Variants in PRKN observed in about 807,000 individuals in gnomAD.
The protein encoded by PRKN is E3 ubiquitin-protein ligase parkin.
A neutral mutation model predicts 59.5 loss-of-function variants in PRKN; 56 were observed. The observed-to-expected ratio is 0.94, with a 90% CI of 0.76 to 1.18. The LOEUF is 1.18. Among genes scored for constraint, PRKN ranks in the 50% most tolerant of loss-of-function variants. The probability of loss-of-function intolerance (pLI) is 0.00; values close to 1 mark genes in which losing one functional copy is unlikely to be tolerated. For synonymous variants in PRKN, 250 were observed against 222.1 expected, an observed-to-expected ratio of 1.13 and a Z score of -1.12; for missense variants, 657 against 596.4, an observed-to-expected ratio of 1.10 and a Z score of -1.06.
At chr6:161,890,567 A>C (rs550946788) in intron 6 of PRKN, among the ~76,000 whole-genome samples, 35 of 152,258 alleles carry the variant, frequency 2.3e-4, no homozygotes, top group Admixed American at 1.4e-3. Flanking sequence ...GCCTTGGGGG[A>C]ATGCTGGAGA....
At chr6:162,456,509 T>C (rs1301231614) in intron 1 of PRKN, among the ~76,000 whole-genome samples, 2 of 150,434 alleles carry the variant, frequency 1.3e-5, no homozygotes, top group Non-Finnish European at 3.0e-5. Context: ...TTAATTCTTA[T>C]ACATGTTTTT....
intron 7 of PRKN, among the ~76,000 whole-genome samples, chr6:161,569,877 T>C (rs1780803955): frequency 6.6e-6 from 1 of 152,074 alleles, no homozygotes; most frequent in African/African-American, 2.4e-5. Flanking sequence ...AAAGGTCGGG[T>C]AGCTACACAT....
chr6:162,334,999 T>C (rs1783769184), intron 2 of PRKN, among the ~76,000 whole-genome samples: 1 of 151,944 alleles, frequency 6.6e-6, no homozygotes, highest in African/African-American at 2.4e-5. Flanking sequence ...GATGAAGAGT[T>C]GTTTCTTATG....
chr6:162,099,334 A>G (rs1368041069), intron 4 of PRKN, among the ~76,000 whole-genome samples: 1 of 152,180 alleles, frequency 6.6e-6, no homozygotes, highest in East Asian at 1.9e-4. Flanking sequence ...AGTTTTGTTA[A>G]ACTTGTAATT....
chr6:162,441,913 C>A (rs1790071930), intron 2 of PRKN, among the ~76,000 whole-genome samples: 1 of 151,626 alleles, frequency 6.6e-6, no homozygotes, highest in Non-Finnish European at 1.5e-5. Context: ...TGTTTTGATT[C>A]AAGGAGCTGT....
rs531171540 is a variant in PRKN at position 162,487,096 on chromosome 6, T to G, written c.8-43623A>C. Reference sequence around the variant, plus strand: ...AAAAAAAAAGAAAAGAAAAGTAGATTTTAAGGAAAAAAACGCATAATCACC... The same window carrying G: ...AAAAAAAAAGAAAAGAAAAGTAGATGTTAAGGAAAAAAACGCATAATCACC... On this transcript the variant is annotated intron_variant, in intron 1 of 11. Coordinates refer to ENST00000366898, the MANE Select transcript of PRKN (RefSeq NM_004562.3). 4.0e-5 allele frequency among the ~76,000 whole-genome samples: 6 copies of G among 151,580 alleles called. No individual in the cohort carries two copies. The South Asian group carries it at 8.3e-4, about 21-fold the overall frequency.
chr6:162,383,399 G>C (rs73032959), intron 2 of PRKN, among the ~76,000 whole-genome samples: 3 of 152,030 alleles, frequency 2.0e-5, no homozygotes, highest in Non-Finnish European at 4.4e-5. Flanking sequence ...AGAGCTCTTG[G>C]GTAACCAGCT....
intron 1 of PRKN, among the ~76,000 whole-genome samples, chr6:162,622,637 C>G (rs1361531220): frequency 6.6e-6 from 1 of 152,146 alleles, no homozygotes; most frequent in African/African-American, 2.4e-5. Context: ...ATTCTTGGAT[C>G]TGATAATCCT....
At position 161,544,622 on chromosome 6, in the gene PRKN, G is replaced by A. The variant is rs1254698151; in HGVS notation, c.1083+4232C>T. ...GGCTTAGGACAGGAATATAAAGACA[G>A]GAAACCACTGTAACACTGCAGCTTG... On this transcript the variant is annotated intron_variant, in intron 9 of 11. Coordinates refer to ENST00000366898, the MANE Select transcript of PRKN (RefSeq NM_004562.3). The surrounding 1 kb of genome is among the most constrained non-coding windows in gnomAD (Gnocchi z 5.5). Among the ~76,000 whole-genome samples the A allele has an allele frequency of 6.6e-6, 1 of 152,036 alleles. No homozygotes were observed. The highest frequency in any genetic ancestry group is 1.5e-5 in the Non-Finnish European group (1 of 68,018).
At chr6:161,522,096 G>A (rs1778848527) in intron 9 of PRKN, among the ~76,000 whole-genome samples, 1 of 152,132 alleles carries the variant, frequency 6.6e-6, no homozygotes, top group South Asian at 2.1e-4. Flanking sequence ...TCCTGGGAGA[G>A]GTGTTTCTTA....
intron 2 of PRKN, among the ~76,000 whole-genome samples, chr6:162,338,103 G>A (rs1783931036): frequency 6.6e-6 from 1 of 152,082 alleles, no homozygotes. Context: ...AGTGGCCCGG[G>A]AGACAGAAGG....
At position 161,548,905 on chromosome 6, in the gene PRKN, C is replaced by A. The variant is rs1258915805; in HGVS notation, c.1032G>T (p.Glu344Asp). 2.5e-6 allele frequency: 4 copies of A among 1,614,184 alleles called. No homozygotes were observed. The highest frequency in any genetic ancestry group is 3.4e-6 in the Non-Finnish European group (4 of 1,180,022). ...CGCAGGTGACTTTCCTCTGGTCAGG[C>A]TCCGGCAGCAGCCCCGCTCCACAGC... ...RPGCGAGLLP[E>D]PDQRKVTCEG... Residue 344 changes from glutamate to aspartate, a missense_variant, in exon 9 of 12, where the codon GAG becomes GAT. Physicochemically the swap from Glu to Asp is conservative, Grantham distance 45 (BLOSUM62 2). Transcript: ENST00000366898. This position sits in a 1 kb window ranked among gnomAD's most constrained non-coding sequence, Gnocchi z 4.2.
rs1232332783 is a variant in PRKN at position 161,573,769 on chromosome 6, T to A, written c.872-4353A>T. Reference sequence around the variant, plus strand: ...AAAAAAAAAAAAATATATATATATATATATATATATATATATATATATATA... The same window carrying A: ...AAAAAAAAAAAAATATATATATATAAATATATATATATATATATATATATA... On this transcript the variant is annotated intron_variant, in intron 7 of 11. Coordinates refer to ENST00000366898, the MANE Select transcript of PRKN (RefSeq NM_004562.3). Among the ~76,000 whole-genome samples the A allele has an allele frequency of 2.3e-4, 14 of 61,460 alleles. No homozygotes were observed. The South Asian group carries it at 5.5e-3, about 24-fold the overall frequency. 40.3% of individuals were successfully genotyped at this position (61,460 alleles called of 152,430 possible). A position where few individuals can be genotyped will look rare whatever the true frequency, so the allele number is the denominator to read the frequency against.
At chr6:162,345,739 T>C (rs967674687) in intron 2 of PRKN, among the ~76,000 whole-genome samples, 14 of 152,238 alleles carry the variant, frequency 9.2e-5, no homozygotes, top group African/African-American at 3.4e-4. Context: ...TATGAATTTA[T>C]ATGACTTATC....
chr6:162,010,236 A>C lies in PRKN; in HGVS notation c.619-36819T>G, dbSNP rs1026156301. Among the ~76,000 whole-genome samples, 5 of 120,880 alleles carry C rather than the reference A, an allele frequency of 4.1e-5. No individual in the cohort carries two copies. The East Asian group carries it at 8.2e-4, about 20-fold the overall frequency. 79.3% of individuals were successfully genotyped at this position (120,880 alleles called of 152,430 possible). On this transcript the variant is annotated intron_variant, in intron 5 of 11. Transcript: ENST00000366898. ...ATTATATATACATAATATATATTTT[A>C]TATATTTATTATACATAATATATAT... is the stretch of plus-strand genomic sequence containing the variant.
intron 7 of PRKN, among the ~76,000 whole-genome samples, chr6:161,757,876 T>TGTGTATAC (rs1491209819): frequency 1.6e-4 from 10 of 64,076 alleles, no homozygotes; most frequent in African/African-American, 8.8e-4. Context: ...TCTCTCTGTG[T>TGTGTATAC]ATATATATAT....
intron 6 of PRKN, among the ~76,000 whole-genome samples, chr6:161,890,848 G>A (rs987190729): frequency 2.0e-5 from 3 of 152,016 alleles, no homozygotes; most frequent in Non-Finnish European, 2.9e-5. Flanking sequence ...TCCATTTCCC[G>A]CGCTCTGCCT....
At chr6:161,910,387 T>C (rs1487557417) in intron 6 of PRKN, among the ~76,000 whole-genome samples, 1 of 152,112 alleles carries the variant, frequency 6.6e-6, no homozygotes, top group Non-Finnish European at 1.5e-5. Context: ...CTCGAGTAGC[T>C]GGGATTACAG....
intron 8 of PRKN, among the ~76,000 whole-genome samples, chr6:161,555,638 T>C (rs1351156029): frequency 6.6e-6 from 1 of 152,188 alleles, no homozygotes; most frequent in African/African-American, 2.4e-5. Context: ...GTGTGGGGCT[T>C]TGTCCTGAGG....
Sources: allele counts gnomAD v4.1 joint callset (sites outside exome capture counted in the v4.1 genomes callset), GRCh38; gene constraint gnomAD v4.1.1; non-coding constraint Gnocchi (gnomAD v3.1); transcripts MANE v1.5; gene names NCBI Gene and HGNC (gene_info 2026-07-23, HGNC 2026-07-21).